PDE10A: variants seen among roughly 807,000 people sequenced by gnomAD.
The protein encoded by PDE10A is cAMP and cAMP-inhibited cGMP 3',5'-cyclic phosphodiesterase 10A.
PDE10A carries 39 observed loss-of-function variants against 97.7 expected under a neutral mutation model. The observed-to-expected ratio is 0.40, with a 90% CI of 0.31 to 0.52. The LOEUF is 0.52. PDE10A is among the 20% of genes least tolerant of loss of function. The pLI is 0.56. For synonymous variants in PDE10A, 371 were observed against 376.8 expected (o/e 0.98, Z 0.18); for missense variants, 731 against 1,047.8 (o/e 0.70, Z 4.17).
At chr6:165,498,627 G>C (rs1013901500) in intron 2 of PDE10A, among the ~76,000 whole-genome samples, 1 of 151,818 alleles carries the variant, frequency 6.6e-6, no homozygotes, top group African/African-American at 2.4e-5. Context: ...TCTATCAGCA[G>C]AGATCTTAAC....
intron 1 of PDE10A, among the ~76,000 whole-genome samples, chr6:165,850,999 C>T (rs555825333): frequency 6.6e-6 from 1 of 152,280 alleles, no homozygotes; most frequent in South Asian, 2.1e-4. Context: ...TGCTTGAGAG[C>T]ATAGACTCTG....
At chr6:165,657,738 C>T (rs1790038160) in intron 1 of PDE10A, among the ~76,000 whole-genome samples, 1 of 152,320 alleles carries the variant, frequency 6.6e-6, no homozygotes, top group Non-Finnish European at 1.5e-5. Flanking sequence ...ATTAAAAGTG[C>T]AATTTCTTGA....
chr6:165,445,659 G>T (rs1790796430), intron 5 of PDE10A, among the ~76,000 whole-genome samples: 2 of 152,218 alleles, frequency 1.3e-5, no homozygotes, highest in African/African-American at 4.8e-5. Context: ...TCTCCTCTGA[G>T]AAGTCATAAT....
chr6:165,975,281 T>G (rs1469635675), intron 1 of PDE10A, among the ~76,000 whole-genome samples: 1 of 152,192 alleles, frequency 6.6e-6, no homozygotes, highest in African/African-American at 2.4e-5. Context: ...AGCTTTTGAT[T>G]CACCCTAACT....
At chr6:165,986,781 G>T (rs1226077037) in intron 1 of PDE10A, among the ~76,000 whole-genome samples, 1 of 151,928 alleles carries the variant, frequency 6.6e-6, no homozygotes, top group Non-Finnish European at 1.5e-5. Context: ...CTTGGCTTGG[G>T]GGGAGGGGGG....
In PDE10A at chr6:165,544,848, CA is replaced by C. The variant is rs543939291; in HGVS notation, c.866-1281del. On this transcript the variant is annotated intron_variant, in intron 1 of 21. Coordinates refer to ENST00000539869, the MANE Select transcript of PDE10A (RefSeq NM_001385079.1). Reference sequence around the variant, plus strand: ...ACACACACACACACACACATATACACACACAAATAGAGTTGTATAAGACAAA... The same window carrying C: ...ACACACACACACACACACATATACACCACAAATAGAGTTGTATAAGACAAA... Among the ~76,000 whole-genome samples, 749 of 152,088 alleles carry C rather than the reference CA, an allele frequency of 4.9e-3. 8 individuals are homozygous for C. Among genetic ancestry groups the C allele is most frequent in the African/African-American group, 0.017 (722 of 41,510 alleles).
intron 1 of PDE10A, among the ~76,000 whole-genome samples, chr6:165,952,064 A>C (rs772457826): frequency 2.0e-5 from 3 of 152,228 alleles, no homozygotes; most frequent in Non-Finnish European, 4.4e-5. Flanking sequence ...TATTATCCTC[A>C]AGTCCTCATG....
At chr6:165,985,746 G>A in intron 1 of PDE10A, among the ~76,000 whole-genome samples, 1 of 152,068 alleles carries the variant, frequency 6.6e-6, no homozygotes, top group Non-Finnish European at 1.5e-5. Flanking sequence ...CCAGTACGGT[G>A]TGTCCACACC....
At chr6:165,527,877 A>C (rs1782544341) in intron 2 of PDE10A, among the ~76,000 whole-genome samples, 1 of 152,192 alleles carries the variant, frequency 6.6e-6, no homozygotes, top group African/African-American at 2.4e-5. Flanking sequence ...GAAGAAGAGA[A>C]GGCTAGGACC....
Position 165,691,109 on chromosome 6 carries a change from C to A in PDE10A, c.-614-147541G>T, listed in dbSNP as rs1209084004. Among the ~76,000 whole-genome samples the A allele has an allele frequency of 9.7e-5, 10 of 103,448 alleles. 1 individual carries two copies. The highest frequency in any genetic ancestry group is 2.9e-4 in the African/African-American group (8 of 27,790). 67.9% of individuals were successfully genotyped at this position (103,448 alleles called of 152,430 possible). On this transcript the variant is annotated intron_variant, in intron 1 of 19. Coordinates refer to the PDE10A transcript ENST00000366882. ...TCTCTCTCTCTCTCTTTCTCTCTCC[C>A]CCCCCCCATCAGTGCCTGTGGTCAC...
At position 165,662,890 on chromosome 6, in the gene PDE10A, C is replaced by G. The variant is rs1250913711; in HGVS notation, c.-79G>C. 1.3e-5 allele frequency among the ~76,000 whole-genome samples: 2 copies of G among 151,032 alleles called. No individual in the cohort carries two copies. Among genetic ancestry groups the G allele is most frequent in the African/African-American group, 4.9e-5 (2 of 41,190 alleles). On this transcript the variant is annotated 5_prime_UTR_variant, in exon 1 of 22. Transcript: ENST00000539869. ...GCCGGGGCTCGGTGGGCTCCGCCCC[C>G]GCAGGACCTGCCCACCCCTGCCGGC...
At chr6:165,514,025 C>CT (rs1781655810) in intron 2 of PDE10A, among the ~76,000 whole-genome samples, 1 of 152,150 alleles carries the variant, frequency 6.6e-6, no homozygotes, top group Non-Finnish European at 1.5e-5. Context: ...AACTGTCCTT[C>CT]TACTCTGCTG....
chr6:165,365,066 T>A (rs966913691), intron 18 of PDE10A, among the ~76,000 whole-genome samples: 1 of 151,750 alleles, frequency 6.6e-6, no homozygotes, highest in African/African-American at 2.4e-5. Flanking sequence ...TTAAAATTAA[T>A]GAAAGAACAG....
In PDE10A at chr6:165,943,317, AG is replaced by A. The variant is rs1267756008; in HGVS notation, c.-615+44211del. On this transcript the variant is annotated intron_variant, in intron 1 of 19. Transcript: ENST00000366882. ...AAGGAAAGAAAGAAAGAAGGAAGGA[AG>A]GAAAGAAAGAAAAAGAAAGAAAGAA... Among the ~76,000 whole-genome samples, 65 of 136,494 alleles carry A rather than the reference AG, an allele frequency of 4.8e-4. 5 individuals carry two copies. Among genetic ancestry groups the A allele is most frequent in the Middle Eastern group, 3.5e-3 (1 of 282 alleles). The allele number at this position is 136,494 out of a possible 152,430, so 89.5% of individuals were successfully genotyped here.
chr6:165,663,511 C>T (rs534990245), upstream of PDE10A, among the ~76,000 whole-genome samples: 2 of 152,354 alleles, frequency 1.3e-5, no homozygotes, highest in Admixed American at 6.5e-5. Flanking sequence ...GTCGGCCTGC[C>T]CGTTGCCCGA....
chr6:165,773,121 C>T (rs2128460241), intron 1 of PDE10A: 1 of 152,164 alleles, frequency 6.6e-6, no homozygotes, highest in East Asian at 1.9e-4. Context: ...CAGCACAAAC[C>T]ATGATCTTAA....
chr6:165,455,097 G>C (rs921940494), intron 3 of PDE10A, among the ~76,000 whole-genome samples: 5 of 152,056 alleles, frequency 3.3e-5, no homozygotes, highest in Non-Finnish European at 7.4e-5. Context: ...AGAATTACTA[G>C]ATTTGGGGGA....
At position 165,395,193 on chromosome 6, in the gene PDE10A, C is replaced by CA; in HGVS notation, c.2290dup (p.Cys764LeufsTer7). 6.2e-7 allele frequency: 1 copy of CA among 1,611,406 alleles called. No homozygotes were observed. Among genetic ancestry groups the CA allele is most frequent in the Non-Finnish European group, 8.5e-7 (1 of 1,177,718 alleles). On this transcript the variant is annotated frameshift_variant, in exon 15 of 22. Coordinates refer to ENST00000539869, the MANE Select transcript of PDE10A (RefSeq NM_001385079.1). LOFTEE classifies it high-confidence loss of function. ...AAGTCATTCATACCAGGATGTCCCA[C>CA]AGGACCGATGAACCATGTAGACAAA...
At chr6:165,572,632 G>T (rs1429580729) in intron 1 of PDE10A, among the ~76,000 whole-genome samples, 9 of 152,202 alleles carry the variant, frequency 5.9e-5, no homozygotes, top group Admixed American at 5.2e-4. Flanking sequence ...GGGTGCCGTG[G>T]CTCACTCCTA....
Sources: gnomAD v4.1 joint callset for allele counts (sites outside exome capture counted in the v4.1 genomes callset) on GRCh38, gnomAD v4.1.1 for gene constraint, MANE v1.5 for transcripts, NCBI Gene and HGNC (gene_info 2026-07-23, HGNC 2026-07-21) for gene names.